BTNL8: variants seen among roughly 807,000 people sequenced by gnomAD.
BTNL8 encodes butyrophilin like 8.
Under a neutral mutation model 36.1 loss-of-function variants are expected in BTNL8, and 22 were observed. The observed-to-expected ratio is 0.61, with a 90% CI of 0.44 to 0.87. The LOEUF (loss-of-function observed/expected upper bound fraction) is 0.87. Among genes scored for constraint, BTNL8 ranks in the 40% least tolerant of loss-of-function variants. BTNL8 has a pLI of 0.00. For missense variants in BTNL8, 526 were observed against 616.9 expected (o/e 0.85, Z 1.56); for synonymous variants, 203 against 235.6 (o/e 0.86, Z 1.27).
In BTNL8 at chr5:180,908,912, A is replaced by G. The variant is rs1015063291; in HGVS notation, c.376A>G (p.Ile126Val). 2.5e-6 allele frequency: 4 copies of G among 1,613,212 alleles called. No homozygotes were observed. Among genetic ancestry groups the G allele is most frequent in the Non-Finnish European group, 3.4e-6 (4 of 1,179,336 alleles). The change falls in exon 2 of 8, where the codon ATC (isoleucine) becomes GTC (valine). Residue 126 changes from isoleucine to valine, a missense_variant. By Grantham distance (29) the Ile-to-Val change is conservative. Around this residue, in one of 2 missense-constraint regions of BTNL8, gnomAD observed 350 missense variants for 324.6 expected, o/e 1.08. Transcript: ENST00000340184. ...TTCCCAGTCTTACTACCAGAAGGCC[A>G]TCTGGGAGCTACAGGTGTCAGGTCA... ...ISSQSYYQKA[I>V]WELQVSALGS...
chr5:180,907,777 C>A (rs1445879437), intron 1 of BTNL8, among the ~76,000 whole-genome samples: 14 of 151,758 alleles, frequency 9.2e-5, no homozygotes, highest in South Asian at 2.1e-4. Context: ...AGTACCCTGC[C>A]GTGTGAGGTG....
chr5:180,909,732 AGAAGATGAAAGAAGG>A, intron 2 of BTNL8: 1 of 290,158 alleles, frequency 3.4e-6, no homozygotes, highest in Non-Finnish European at 5.1e-6. Flanking sequence ...AAAAAAAAAA[AGAAGATGAAAGAAGG>A]AAAAAACAGA....
intron 1 of BTNL8, among the ~76,000 whole-genome samples, chr5:180,900,330 G>A (rs571511109): frequency 4.2e-4 from 64 of 152,270 alleles, no homozygotes; most frequent in African/African-American, 1.5e-3. Flanking sequence ...TTAGGTGTTG[G>A]TTTGCTTATG....
intron 3 of BTNL8, among the ~76,000 whole-genome samples, chr5:180,933,392 T>C (rs540313333): frequency 6.6e-6 from 1 of 152,304 alleles, no homozygotes; most frequent in African/African-American, 2.4e-5. Context: ...GAACATATCA[T>C]ATCTTAGGCC....
rs370942451 is a variant in BTNL8, at chr5:180,950,234, T to G, written c.1193T>G (p.Val398Gly). ...ACATTAAATCCCCGTTTTATCAGCG[T>G]CTTCCCCAGGACCCCACCTACAAAA... is the stretch of plus-strand genomic sequence containing the variant. The part of the protein sequence containing the change: ...YFTLNPRFIS[V>G]FPRTPPTKIG... The change falls in exon 8 of 8, where the codon GTC becomes GGC. Residue 398 changes from valine to glycine, a missense_variant. Around this residue, in one of 2 missense-constraint regions of BTNL8, gnomAD observed 176 missense variants for 292.3 expected, o/e 0.60. Coordinates refer to ENST00000340184, the MANE Select transcript of BTNL8 (RefSeq NM_001040462.3). The G allele has an allele frequency of 8.2e-6, 12 of 1,463,442 alleles. 3 individuals carry two copies. Among genetic ancestry groups the G allele is most frequent in the Non-Finnish European group, 1.1e-5 (12 of 1,059,010 alleles). 90.7% of individuals were successfully genotyped at this position (1,463,442 alleles called of 1,614,324 possible).
chr5:180,939,897 C>G (rs1238340708), intron 3 of BTNL8, among the ~76,000 whole-genome samples: 1 of 152,120 alleles, frequency 6.6e-6, no homozygotes, highest in East Asian at 1.9e-4. Context: ...AATATATTTT[C>G]AGGGCACAAT....
At chr5:180,906,272 T>C (rs539374161) in intron 1 of BTNL8, among the ~76,000 whole-genome samples, 28 of 147,924 alleles carry the variant, frequency 1.9e-4, no homozygotes, top group African/African-American at 7.3e-4. Flanking sequence ...TTTACCATTA[T>C]GTAATGGCCT....
At chr5:180,923,828 C>T (rs1343131903) in intron 3 of BTNL8, among the ~76,000 whole-genome samples, 1 of 152,116 alleles carries the variant, frequency 6.6e-6, no homozygotes, top group Non-Finnish European at 1.5e-5. Flanking sequence ...AAACAAAATA[C>T]ATTGCATTTT....
intron 3 of BTNL8, among the ~76,000 whole-genome samples, chr5:180,928,799 C>T (rs1240330794): frequency 2.0e-5 from 3 of 152,166 alleles, no homozygotes; most frequent in Admixed American, 6.5e-5. Flanking sequence ...TATAGAAGCA[C>T]CCAGATTCAT....
intron 1 of BTNL8, among the ~76,000 whole-genome samples, chr5:180,904,120 T>C (rs1248413962): frequency 1.4e-5 from 2 of 138,854 alleles, no homozygotes; most frequent in African/African-American, 2.9e-5. Context: ...TTGGGCGGTA[T>C]GGCCATTTTC....
rs1415112169 is a variant in BTNL8, at chr5:180,909,024, G to GAAAATT, written c.397+91_397+92insAAAATT. 867 of 1,344,666 alleles carry GAAAATT rather than the reference G, an allele frequency of 6.4e-4. 3 individuals are homozygous for GAAAATT. In the African/African-American group the frequency reaches 0.012, roughly 18 times the overall value. The allele number at this position is 1,344,666 out of a possible 1,614,324, so 83.3% of individuals were successfully genotyped here. On this transcript the variant is annotated intron_variant, in intron 2 of 7. Coordinates refer to ENST00000340184, the MANE Select transcript of BTNL8 (RefSeq NM_001040462.3). ...TCAATAAGGAAATTTTAAAATTTTA[G>GAAAATT]GTCATTTAGTTAGAAGGCAGCATTC...
At chr5:180,919,731 G>T (rs576274613) in intron 3 of BTNL8, among the ~76,000 whole-genome samples, 10 of 152,206 alleles carry the variant, frequency 6.6e-5, no homozygotes, top group African/African-American at 2.2e-4. Context: ...TATAAAATTA[G>T]TAGTGTTTCT....
At position 180,912,415 on chromosome 5, in the gene BTNL8, A is replaced by T. The variant is rs144035614; in HGVS notation, c.673+801A>T. On this transcript the variant is annotated intron_variant, in intron 3 of 7. Coordinates refer to ENST00000340184, the MANE Select transcript of BTNL8 (RefSeq NM_001040462.3). ...CCATCTTTCTCTCTCAAATATATAGAAACAACAGGATGTATATATATATAT... is the reference window on the plus strand; with the variant it reads ...CCATCTTTCTCTCTCAAATATATAGTAACAACAGGATGTATATATATATAT... Among the ~76,000 whole-genome samples, 308 of 130,482 alleles carry T rather than the reference A, an allele frequency of 2.4e-3. 2 individuals are homozygous for T. Among genetic ancestry groups the T allele is most frequent in the African/African-American group, 0.01 (300 of 29,708 alleles). The allele number at this position is 130,482 out of a possible 152,430, so 85.6% of individuals were successfully genotyped here. A position where few individuals can be genotyped will look rare whatever the true frequency, so the allele number is the denominator to read the frequency against.
intron 1 of BTNL8, 22 bp from the exon 2 acceptor site, chr5:180,908,564 T>A: frequency 6.2e-7 from 1 of 1,609,042 alleles, no homozygotes; most frequent in Non-Finnish European, 8.5e-7. Flanking sequence ...TGATGATTTA[T>A]CTTTTGTATG....
chr5:180,929,340 A>G (rs747423015), intron 3 of BTNL8, among the ~76,000 whole-genome samples: 1 of 152,230 alleles, frequency 6.6e-6, no homozygotes, highest in Non-Finnish European at 1.5e-5. Context: ...TTATAGCACT[A>G]CATGCCCACA....
chr5:180,909,788 A>T (rs1757306435), intron 2 of BTNL8: 1 of 164,580 alleles, frequency 6.1e-6, no homozygotes. Flanking sequence ...TGCCGTGTGC[A>T]GTCAGTGAGT....
rs1759366790 is a variant in BTNL8 at position 180,948,164 on chromosome 5, T to C, written c.788-191T>C. On this transcript the variant is annotated intron_variant, in intron 4 of 7. Transcript: ENST00000340184. The stretch of plus-strand genomic sequence containing the variant: ...TTGTCCCTCTCCTTAGCATGCACCT[T>C]CCTGATCTCTTGCTCCACCCCAGAG... 1.0e-5 allele frequency: 9 copies of C among 865,308 alleles called. No homozygotes were observed. The South Asian group carries it at 1.2e-4, about 12-fold the overall frequency. The allele number at this position is 865,308 out of a possible 1,614,324, so 53.6% of individuals were successfully genotyped here. A position where few individuals can be genotyped will look rare whatever the true frequency, so the allele number is the denominator to read the frequency against.
chr5:180,940,365 C>G (rs1461645495), intron 3 of BTNL8, among the ~76,000 whole-genome samples: 1 of 147,616 alleles, frequency 6.8e-6, no homozygotes, highest in Non-Finnish European at 1.5e-5. Context: ...AAAAGAAACA[C>G]AAGATACCAA....
chr5:180,916,361 T>C (rs1376948283), intron 3 of BTNL8, among the ~76,000 whole-genome samples: 2 of 151,694 alleles, frequency 1.3e-5, no homozygotes, highest in African/African-American at 4.9e-5. Flanking sequence ...TAGCTATAAA[T>C]ATCTACATTA....
Sources: gnomAD v4.1 joint callset for allele counts (sites outside exome capture counted in the v4.1 genomes callset) on GRCh38, gnomAD v4.1.1 for gene constraint, gnomAD v4.1.1 regional missense constraint, MANE v1.5 for transcripts, NCBI Gene and HGNC (gene_info 2026-07-23, HGNC 2026-07-21) for gene names.